VPS37A: variants seen among roughly 807,000 people sequenced by gnomAD.
VPS37A encodes the protein VPS37A subunit of ESCRT-I, also known as vacuolar protein sorting-associated protein 37A.
Under a neutral mutation model 49.8 loss-of-function variants are expected in VPS37A, and 30 were observed. The observed-to-expected ratio is 0.60, with a 90% CI of 0.45 to 0.82. The LOEUF is 0.82. VPS37A is among the 40% of genes least tolerant of loss of function. The pLI, the probability that VPS37A is intolerant of heterozygous loss-of-function variation, is 0.00. For missense variants in VPS37A, 593 were observed against 464.4 expected (o/e 1.28, Z -2.55); for synonymous variants, 195 against 160.6 (o/e 1.21, Z -1.62).
the VPS37A span, among the ~76,000 whole-genome samples, chr8:17,328,636 G>C: frequency 6.6e-6 from 1 of 152,116 alleles, no homozygotes; most frequent in Non-Finnish European, 1.5e-5. Context: ...ACAGTTAGAT[G>C]ATGGGTTGAC....
chr8:17,252,116 A>C (rs909870679), intron 1 of VPS37A, among the ~76,000 whole-genome samples: 2 of 152,228 alleles, frequency 1.3e-5, no homozygotes, highest in Non-Finnish European at 2.9e-5. Context: ...TATGAAAAGC[A>C]TTTATTATCA....
the VPS37A span, among the ~76,000 whole-genome samples, chr8:17,324,528 G>C: frequency 6.6e-6 from 1 of 152,228 alleles, no homozygotes; most frequent in African/African-American, 2.4e-5. Context: ...GGACGGTCCA[G>C]ATGGGCAGAT....
At chr8:17,317,117 T>C in the VPS37A span, among the ~76,000 whole-genome samples, 1 of 152,250 alleles carries the variant, frequency 6.6e-6, no homozygotes, top group Non-Finnish European at 1.5e-5. Context: ...TTTTAGAATT[T>C]GCTTGCTTAT....
chr8:17,287,427 C>T (rs943153247), intron 11 of VPS37A, among the ~76,000 whole-genome samples: 4 of 152,080 alleles, frequency 2.6e-5, no homozygotes, highest in African/African-American at 9.7e-5. Context: ...GTAATCCCAG[C>T]ACTTTGGGAG....
intron 1 of VPS37A, among the ~76,000 whole-genome samples, chr8:17,258,783 A>C (rs913582399): frequency 1.3e-5 from 2 of 152,006 alleles, no homozygotes; most frequent in African/African-American, 4.8e-5. Context: ...TTATGGCTTT[A>C]ATCTCATTAT....
intron 9 of VPS37A, among the ~76,000 whole-genome samples, chr8:17,284,152 G>A (rs1050051362): frequency 3.3e-5 from 5 of 152,316 alleles, no homozygotes; most frequent in Middle Eastern, 3.4e-3. Context: ...AGGAGGTGAG[G>A]TCATTAGTGG....
In VPS37A at chr8:17,276,391, C is replaced by T. The variant is rs1403619562; in HGVS notation, c.643-6C>T. The T allele has an allele frequency of 1.2e-6, 2 of 1,607,938 alleles. No homozygotes were observed. The highest frequency in any genetic ancestry group is 1.7e-6 in the Non-Finnish European group (2 of 1,178,010). ...AAATTTAATATCATTTAAAACTTTT[C>T]TTTAGACAAGCCAAAATGGTTTTGG... On this transcript the variant is annotated splice_region_variant and splice_polypyrimidine_tract_variant and intron_variant, in intron 5 of 11. Coordinates refer to ENST00000324849, the MANE Select transcript of VPS37A (RefSeq NM_152415.3).
downstream of VPS37A, chr8:17,300,087 C>A (rs1817012375): frequency 3.7e-6 from 6 of 1,614,024 alleles, no homozygotes; most frequent in African/African-American, 2.7e-5. Context: ...GAAATGATTT[C>A]ATATTCCCAC....
At chr8:17,312,404 G>A in the VPS37A span, among the ~76,000 whole-genome samples, 11 of 151,868 alleles carry the variant, frequency 7.2e-5, no homozygotes, top group African/African-American at 2.7e-4. Context: ...GTGAAACCCC[G>A]TCTCTACTAA....
At chr8:17,319,333 C>T in the VPS37A span, among the ~76,000 whole-genome samples, 3 of 152,218 alleles carry the variant, frequency 2.0e-5, no homozygotes, top group Non-Finnish European at 4.4e-5. Context: ...AGAAGATTCC[C>T]GAAAATGGTA....
rs1443194481 is a variant in VPS37A at position 17,296,284 on chromosome 8, A to T, written c.*1298A>T. 1 of 152,214 alleles carries T rather than the reference A, an allele frequency of 6.6e-6. No homozygotes were observed. The highest frequency in any genetic ancestry group is 1.5e-5 in the Non-Finnish European group (1 of 68,024). The allele number at this position is 152,214 out of a possible 1,614,324, so 9.4% of individuals were successfully genotyped here. The stretch of plus-strand genomic sequence containing the variant: ...CAGGTATTCACGTGGACTGAGATAC[A>T]ATGTTGGATACAGAAAATAACTTTC... On this transcript the variant is annotated 3_prime_UTR_variant, in exon 12 of 12. Coordinates refer to ENST00000324849, the MANE Select transcript of VPS37A (RefSeq NM_152415.3).
At position 17,297,984 on chromosome 8, in the gene VPS37A, C is replaced by CTAT. The variant is rs1816836136; in HGVS notation, c.*3000_*3002dup. 6.6e-6 allele frequency: 1 copy of CTAT among 152,006 alleles called. No individual in the cohort carries two copies. Among genetic ancestry groups the CTAT allele is most frequent in the South Asian group, 2.1e-4 (1 of 4,828 alleles). 9.4% of individuals were successfully genotyped at this position (152,006 alleles called of 1,614,324 possible). On this transcript the variant is annotated 3_prime_UTR_variant, in exon 12 of 12. Coordinates refer to ENST00000324849, the MANE Select transcript of VPS37A (RefSeq NM_152415.3). Reference sequence around the variant, plus strand: ...CATTTTAAAACATCAAATATTTATACTATTTGCTTTTCAAATAAAAGCATA... The same window carrying CTAT: ...CATTTTAAAACATCAAATATTTATACTATTATTTGCTTTTCAAATAAAAGCATA...
intron 1 of VPS37A, among the ~76,000 whole-genome samples, chr8:17,248,887 C>T (rs565372849): frequency 6.6e-6 from 1 of 152,288 alleles, no homozygotes; most frequent in South Asian, 2.1e-4. Flanking sequence ...TCGCAAAGTT[C>T]TTACAAGTCA....
rs143458048 is a variant in VPS37A at position 17,294,748 on chromosome 8, C to A, written c.*1-239C>A. Among the ~76,000 whole-genome samples, 10,078 of 152,228 alleles carry A rather than the reference C, an allele frequency of 0.066. 466 individuals are homozygous for A. The highest frequency in any genetic ancestry group is 0.099 in the Non-Finnish European group (6,750 of 68,006). On this transcript the variant is annotated intron_variant, in intron 11 of 11. Coordinates refer to ENST00000324849, the MANE Select transcript of VPS37A (RefSeq NM_152415.3). ...CCCCACCCTGCTTCTGCTCACCCTC[C>A]GTGGGCTACACCCACTGTCTAACCA...
rs538550032 is a variant in VPS37A, at chr8:17,274,430, A to G, written c.417-303A>G. ...GATTGATAGCAGTGGAGTGCTGAAAACTCAAAAATGGCCTGTCTATCCACT... is the reference window on the plus strand; with the variant it reads ...GATTGATAGCAGTGGAGTGCTGAAAGCTCAAAAATGGCCTGTCTATCCACT... On this transcript the variant is annotated intron_variant, in intron 4 of 11. Transcript: ENST00000324849. 2.2e-4 allele frequency among the ~76,000 whole-genome samples: 34 copies of G among 151,600 alleles called. No individual in the cohort carries two copies. The South Asian group carries it at 3.1e-3, about 14-fold the overall frequency.
Position 17,296,949 on chromosome 8 carries a change from G to C in VPS37A, c.*1963G>C, listed in dbSNP as rs1340542322. On this transcript the variant is annotated 3_prime_UTR_variant, in exon 12 of 12. Transcript: ENST00000324849. The stretch of plus-strand genomic sequence containing the variant: ...AATAGACAAATCAGTTTACATAAAG[G>C]TTATGTATGTCACCCACGATGAAAA... The C allele has an allele frequency of 6.6e-6, 1 of 152,096 alleles. No individual in the cohort carries two copies. Among genetic ancestry groups the C allele is most frequent in the African/African-American group, 2.4e-5 (1 of 41,422 alleles). 9.4% of individuals were successfully genotyped at this position (152,096 alleles called of 1,614,324 possible).
intron 1 of VPS37A, among the ~76,000 whole-genome samples, chr8:17,256,745 C>T (rs1414270156): frequency 1.3e-5 from 2 of 151,850 alleles, no homozygotes; most frequent in Non-Finnish European, 2.9e-5. Context: ...CTCCGCCTCC[C>T]GGATTCAAGC....
chr8:17,284,439 ATAAAT>A (rs1487038193), intron 9 of VPS37A, 29 bp from the exon 10 acceptor site: 5 of 1,544,140 alleles, frequency 3.2e-6, no homozygotes, highest in African/African-American at 1.4e-5. Context: ...TGTGAGTATC[ATAAAT>A]TAAAGTAGTG....
chr8:17,306,112 T>A (rs1276000722), downstream of VPS37A, among the ~76,000 whole-genome samples: 1 of 152,210 alleles, frequency 6.6e-6, no homozygotes, highest in Non-Finnish European at 1.5e-5. Flanking sequence ...GTTAAGATTT[T>A]AAATTCAAAT....
Sources: allele counts gnomAD v4.1 joint callset (sites outside exome capture counted in the v4.1 genomes callset), GRCh38; gene constraint gnomAD v4.1.1; transcripts MANE v1.5; gene names NCBI Gene and HGNC (gene_info 2026-07-23, HGNC 2026-07-21).